The following HEATR5A variants were observed in gnomAD, a reference collection of about 807,000 sequenced individuals.
HEATR5A encodes HEAT repeat containing 5A, also known as HEAT repeat-containing protein 5A.
HEATR5A carries 178 observed loss-of-function variants against 218.8 expected under a neutral mutation model. The observed-to-expected ratio is 0.81, with a 90% CI of 0.72 to 0.92. The LOEUF (loss-of-function observed/expected upper bound fraction) is 0.92, where lower values mean the gene tolerates loss of function less well. Ranked by LOEUF, HEATR5A falls within the 40% of genes least tolerant of loss-of-function variation. HEATR5A has a pLI of 0.00. For synonymous variants in HEATR5A, 864 were observed against 871.6 expected, an observed-to-expected ratio of 0.99 and a Z score of 0.15; for missense variants, 2,420 against 2,418.9, an observed-to-expected ratio of 1.00 and a Z score of -0.01.
At chr14:31,399,225 G>A (rs922064585) in intron 3 of HEATR5A, among the ~76,000 whole-genome samples, 1 of 152,126 alleles carries the variant, frequency 6.6e-6, no homozygotes, top group African/African-American at 2.4e-5. Flanking sequence ...AAATTTCTAA[G>A]AATCTATTCT....
At chr14:31,338,243 T>C (rs1324689597) in intron 21 of HEATR5A, among the ~76,000 whole-genome samples, 2 of 152,202 alleles carry the variant, frequency 1.3e-5, no homozygotes, top group Admixed American at 6.5e-5. Context: ...ACCTGTCAAA[T>C]AGTAAATGCT....
intron 6 of HEATR5A, among the ~76,000 whole-genome samples, chr14:31,391,319 T>C (rs1409202732): frequency 6.6e-6 from 1 of 152,084 alleles, no homozygotes; most frequent in Non-Finnish European, 1.5e-5. Flanking sequence ...GCATTTTTAG[T>C]AGACAGATGA....
At chr14:31,402,456 CCTCAAGT>C (rs1275421817) in intron 2 of HEATR5A, among the ~76,000 whole-genome samples, 1 of 152,148 alleles carries the variant, frequency 6.6e-6, no homozygotes, top group African/African-American at 2.4e-5. Context: ...AATTCATACA[CCTCAAGT>C]CTTCATACCT....
chr14:31,373,086 T>C (rs1242859914), intron 12 of HEATR5A, among the ~76,000 whole-genome samples: 1 of 152,040 alleles, frequency 6.6e-6, no homozygotes, highest in Non-Finnish European at 1.5e-5. Flanking sequence ...CATGTCTGGC[T>C]AATTTTTGTA....
At chr14:31,367,836 G>C (rs1005272724) in intron 13 of HEATR5A, among the ~76,000 whole-genome samples, 7 of 151,884 alleles carry the variant, frequency 4.6e-5, no homozygotes, top group African/African-American at 1.2e-4. Context: ...TAACGTGTTG[G>C]CATATAAATA....
chr14:31,329,884 T>C (rs987065102), intron 22 of HEATR5A, among the ~76,000 whole-genome samples: 1 of 152,192 alleles, frequency 6.6e-6, no homozygotes, highest in African/African-American at 2.4e-5. Flanking sequence ...GGCTAATTTT[T>C]CTATTTTTAG....
chr14:31,376,172 G>C (rs1902220055), intron 11 of HEATR5A, among the ~76,000 whole-genome samples: 1 of 152,140 alleles, frequency 6.6e-6, no homozygotes, highest in African/African-American at 2.4e-5. Context: ...GAGAATAATA[G>C]TATTTTATTC....
In HEATR5A at chr14:31,349,847, C is replaced by G. The variant is rs750655124; in HGVS notation, c.2650G>C (p.Ala884Pro). 1 of 1,613,264 alleles carries G rather than the reference C, an allele frequency of 6.2e-7. No homozygotes were observed. Among genetic ancestry groups the G allele is most frequent in the Non-Finnish European group, 8.5e-7 (1 of 1,179,404 alleles). ...CAAAESWARL[A>P]QVVDDGAFTA... ...AAAGCTCCATCATCTACCACTTGGG[C>G]TAATCTAGCCCATGACTCTGCAGCT... is the stretch of plus-strand genomic sequence containing the variant. Residue 884 changes from alanine to proline, a missense_variant, in exon 18 of 36, where the codon GCC becomes CCC. Physicochemically the swap from Ala to Pro is conservative, Grantham distance 27 (BLOSUM62 -1). Coordinates refer to ENST00000543095, the MANE Select transcript of HEATR5A (RefSeq NM_015473.4).
intron 1 of HEATR5A, chr14:31,420,133 G>T (rs991927070): frequency 3.9e-5 from 6 of 152,470 alleles, no homozygotes; most frequent in Middle Eastern, 3.4e-3. Flanking sequence ...TCCCGCTGGC[G>T]GGCAGAGTCC....
intron 4 of HEATR5A, among the ~76,000 whole-genome samples, chr14:31,396,100 C>T (rs1182320364): frequency 2.0e-5 from 3 of 152,040 alleles, no homozygotes; most frequent in African/African-American, 7.2e-5. Context: ...CTCACACCTG[C>T]AATCTCAGCA....
rs199736580 is a variant in HEATR5A at position 31,308,990 on chromosome 14, C to T, written c.4634G>A (p.Gly1545Glu). The T allele has an allele frequency of 6.9e-4, 1,117 of 1,613,556 alleles. 5 individuals carry two copies. The highest frequency in any genetic ancestry group is 8.8e-4 in the Non-Finnish European group (1,039 of 1,179,750). ...ATCCTCAGGGGACTTTATGGTAGCC[C>T]CAGATGATGAACCCTGACACATGGA... is the stretch of plus-strand genomic sequence containing the variant. ...PTSMCQGSSS[G>E]ATIKSPEDVY... The change falls in exon 29 of 36, where the codon GGG (glycine) becomes GAG (glutamate). Residue 1545 changes from glycine (G) to glutamate (E), a missense_variant. Gly to Glu is a moderately conservative substitution (Grantham distance 98, BLOSUM62 -2). Coordinates refer to ENST00000543095, the MANE Select transcript of HEATR5A (RefSeq NM_015473.4).
chr14:31,405,676 G>C (rs2031036887), intron 1 of HEATR5A, among the ~76,000 whole-genome samples: 1 of 152,134 alleles, frequency 6.6e-6, no homozygotes, highest in Non-Finnish European at 1.5e-5. Context: ...ATGATTGTTT[G>C]GGGGGTGGAA....
chr14:31,398,623 C>T, intron 4 of HEATR5A, 50 bp downstream of exon 4: 1 of 978,744 alleles, frequency 1.0e-6, no homozygotes, highest in Admixed American at 2.1e-5. Flanking sequence ...AAAGCATAAA[C>T]CAATAAAATG....
chr14:31,340,415 C>A lies in HEATR5A; in HGVS notation c.3229-2801G>T, dbSNP rs1595115217. On this transcript the variant is annotated intron_variant, in intron 21 of 35. Transcript: ENST00000543095. ...CACAAAGAAACAGCACCGCAAAACTCAAAAAAAGTTAGGAATCAAGGGTCA... is the reference window on the plus strand; with the variant it reads ...CACAAAGAAACAGCACCGCAAAACTAAAAAAAAGTTAGGAATCAAGGGTCA... The A allele has an allele frequency of 4.7e-6, 6 of 1,273,510 alleles. No individual in the cohort carries two copies. In the African/African-American group the frequency reaches 9.2e-5, roughly 19 times the overall value. The allele number at this position is 1,273,510 out of a possible 1,614,324, so 78.9% of individuals were successfully genotyped here.
chr14:31,386,913 T>C (rs556393214), intron 8 of HEATR5A, among the ~76,000 whole-genome samples: 3 of 152,106 alleles, frequency 2.0e-5, no homozygotes, highest in Non-Finnish European at 4.4e-5. Flanking sequence ...ATAAGCAGAG[T>C]AGACTTAAGA....
chr14:31,337,476 C>A lies in HEATR5A; in HGVS notation c.3367G>T (p.Asp1123Tyr). 1 of 1,548,738 alleles carries A rather than the reference C, an allele frequency of 6.5e-7. No homozygotes were observed. The highest frequency in any genetic ancestry group is 8.7e-7 in the Non-Finnish European group (1 of 1,145,354). ...AKDSREELTP[D>Y]ANIREVGLEG... ...ACATAATCTTGATCAAGAGAATTACCTGGAGTCAACTCTTCTCTGCTATCC... is the reference window on the plus strand; with the variant it reads ...ACATAATCTTGATCAAGAGAATTACATGGAGTCAACTCTTCTCTGCTATCC... Residue 1123 changes from aspartate to tyrosine, a missense_variant and splice_region_variant, in exon 22 of 36, where the codon GAT becomes TAT. Physicochemically the swap from Asp to Tyr is radical, Grantham distance 160 (BLOSUM62 -3). Transcript: ENST00000543095.
At chr14:31,361,094 G>A (rs963136527) in intron 14 of HEATR5A, among the ~76,000 whole-genome samples, 4 of 152,166 alleles carry the variant, frequency 2.6e-5, no homozygotes, top group African/African-American at 9.7e-5. Flanking sequence ...TTACTTGCCA[G>A]AGATCATATG....
intron 13 of HEATR5A, among the ~76,000 whole-genome samples, chr14:31,367,901 A>T (rs1259417270): frequency 6.6e-6 from 1 of 152,176 alleles, no homozygotes; most frequent in East Asian, 1.9e-4. Context: ...AATATAATAC[A>T]TGACAGAAGT....
At chr14:31,393,690 T>C (rs2030540353) in intron 6 of HEATR5A, among the ~76,000 whole-genome samples, 1 of 152,158 alleles carries the variant, frequency 6.6e-6, no homozygotes, top group Non-Finnish European at 1.5e-5. Flanking sequence ...TTTCGCTTTG[T>C]TGTCCAGGCT....
Sources: gnomAD v4.1 joint callset for allele counts (sites outside exome capture counted in the v4.1 genomes callset) on GRCh38, gnomAD v4.1.1 for gene constraint, MANE v1.5 for transcripts, NCBI Gene and HGNC (gene_info 2026-07-23, HGNC 2026-07-21) for gene names.